The following MAP4 variants were observed in gnomAD, a reference collection of about 807,000 sequenced individuals.
The protein encoded by MAP4 is microtubule-associated protein 4.
MAP4 carries 76 observed loss-of-function variants against 170.2 expected under a neutral mutation model. The observed-to-expected ratio is 0.45, with a 90% CI of 0.37 to 0.54. The LOEUF (loss-of-function observed/expected upper bound fraction) is 0.54, where lower values mean the gene tolerates loss of function less well. Among genes scored for constraint, MAP4 ranks in the 20% least tolerant of loss-of-function variants. MAP4 has a pLI of 0.00. For synonymous variants in MAP4, 909 were observed against 994.5 expected, an observed-to-expected ratio of 0.91 and a Z score of 1.62; for missense variants, 2,506 against 2,748.0, an observed-to-expected ratio of 0.91 and a Z score of 1.97.
chr3:47,912,417 G>A lies in MAP4; in HGVS notation c.2004C>T (p.Asn668=), dbSNP rs990173120. 4.8e-6 allele frequency: 7 copies of A among 1,468,450 alleles called. No individual in the cohort carries two copies. The East Asian group carries it at 1.5e-4, about 31-fold the overall frequency. The allele number at this position is 1,468,450 out of a possible 1,614,324, so 91.0% of individuals were successfully genotyped here. Reference sequence around the variant, plus strand: ...TGGGAGGGGTACCGCAATACATGAAGTTGGCTAAAATTCCAAACAAAAAAC... The same window carrying A: ...TGGGAGGGGTACCGCAATACATGAAATTGGCTAAAATTCCAAACAAAAAAC... ...PSELSSETSA[N]FMYCGTPPTQ... The change falls in exon 9 of 21, where the codon AAC becomes AAT. Residue 668 remains asparagine (N), a synonymous_variant. Coordinates refer to ENST00000683076, the MANE Select transcript of MAP4 (RefSeq NM_001385682.1).
At position 47,995,232 on chromosome 3, in the gene MAP4, A is replaced by G. The variant is rs367630895; in HGVS notation, c.223+3406T>C. On this transcript the variant is annotated intron_variant, in intron 2 of 20. Transcript: ENST00000683076. ...TCAAGATACTTTTGTAAGCAATGATAGCAACTTTTTTTCTTTTCTTTTTTT... is the reference window on the plus strand; with the variant it reads ...TCAAGATACTTTTGTAAGCAATGATGGCAACTTTTTTTCTTTTCTTTTTTT... Among the ~76,000 whole-genome samples the G allele has an allele frequency of 4.0e-5, 6 of 149,704 alleles. 1 individual carries two copies. Among genetic ancestry groups the G allele is most frequent in the African/African-American group, 1.5e-4 (6 of 40,852 alleles).
Position 47,870,910 on chromosome 3 carries a change from C to T in MAP4, c.6197G>A (p.Ser2066Asn). The change falls in exon 15 of 21, where the codon AGC becomes AAC. Residue 2066 changes from serine (S) to asparagine (N), a missense_variant. By Grantham distance (46) the Ser-to-Asn change is conservative. Coordinates refer to ENST00000683076, the MANE Select transcript of MAP4 (RefSeq NM_001385682.1). ...AKPSSTTPRLSRLATNTSAPD... is the reference protein window; with the variant it reads ...AKPSSTTPRLNRLATNTSAPD... ...AGCAGAAGTATTGGTGGCCAGGCGG[C>T]TGAGCCGGGGGGTGGTGGAGCTGGG... 6.2e-7 allele frequency: 1 copy of T among 1,613,862 alleles called. No individual in the cohort carries two copies. The highest frequency in any genetic ancestry group is 1.1e-5 in the South Asian group (1 of 91,020).
chr3:47,945,556 T>C (rs940447564), intron 3 of MAP4, among the ~76,000 whole-genome samples: 3 of 151,926 alleles, frequency 2.0e-5, no homozygotes, highest in Non-Finnish European at 4.4e-5. Flanking sequence ...TGATTGTAAT[T>C]TGGAGGGGAA....
intron 1 of MAP4, among the ~76,000 whole-genome samples, chr3:48,026,412 G>C (rs1349041861): frequency 6.6e-6 from 1 of 152,132 alleles, no homozygotes; most frequent in African/African-American, 2.4e-5. Context: ...TTGGCCTTCA[G>C]GACAGAGAGG....
At position 47,855,298 on chromosome 3, in the gene MAP4, C is replaced by G. The variant is rs148356137; in HGVS notation, c.6646G>C (p.Val2216Leu). 3 of 1,614,030 alleles carry G rather than the reference C, an allele frequency of 1.9e-6. No homozygotes were observed. In the African/African-American group the frequency reaches 4.0e-5, roughly 22 times the overall value. Reference sequence around the variant, plus strand: ...TGGCCCACATTATCGAGGGATCCCACCTTGGCCTGGGCCTTCTCCTTGAAG... The same window carrying G: ...TGGCCCACATTATCGAGGGATCCCAGCTTGGCCTGGGCCTTCTCCTTGAAG... ...LNFKEKAQAK[V>L]GSLDNVGHLP... Residue 2216 changes from valine to leucine, a missense_variant, in exon 19 of 21, where the codon GTG becomes CTG. Physicochemically the swap from Val to Leu is conservative, Grantham distance 32. Coordinates refer to ENST00000683076, the MANE Select transcript of MAP4 (RefSeq NM_001385682.1). The surrounding 1 kb of genome is among the most constrained non-coding windows in gnomAD (Gnocchi z 5.1).
chr3:47,890,784 C>A (rs319684), intron 10 of MAP4, among the ~76,000 whole-genome samples: 3 of 151,950 alleles, frequency 2.0e-5, no homozygotes, highest in Admixed American at 1.3e-4. Context: ...CAAACTTGCA[C>A]ACTCAATTCA....
chr3:48,074,926 C>A (rs902584374), intron 1 of MAP4, among the ~76,000 whole-genome samples: 2 of 152,024 alleles, frequency 1.3e-5, no homozygotes, highest in Non-Finnish European at 2.9e-5. Flanking sequence ...AAGATGGCAG[C>A]ACTCTCTAAA....
intron 3 of MAP4, among the ~76,000 whole-genome samples, chr3:47,952,275 C>A (rs1225562081): frequency 1.7e-4 from 25 of 151,506 alleles, no homozygotes; most frequent in Non-Finnish European, 2.8e-4. Flanking sequence ...GTCAGCCCCC[C>A]CGCCCGGCCA....
At chr3:48,024,203 G>C (rs529058564) in intron 1 of MAP4, among the ~76,000 whole-genome samples, 1 of 152,004 alleles carries the variant, frequency 6.6e-6, no homozygotes, top group Admixed American at 6.6e-5. Flanking sequence ...CCAGCTACTC[G>C]GGAGGCTGAG....
intron 1 of MAP4, among the ~76,000 whole-genome samples, chr3:48,007,893 G>T (rs945534551): frequency 6.6e-6 from 1 of 151,914 alleles, no homozygotes; most frequent in Non-Finnish European, 1.5e-5. Flanking sequence ...GGATGGTCTC[G>T]ATCTCTTGAC....
At chr3:48,061,929 C>T (rs1403710361) in intron 1 of MAP4, among the ~76,000 whole-genome samples, 6 of 150,844 alleles carry the variant, frequency 4.0e-5, no homozygotes, top group African/African-American at 7.3e-5. Flanking sequence ...GTGGGGGGCA[C>T]CTCTGCCCAG....
chr3:47,978,314 T>TTTA (rs374785098), intron 2 of MAP4, among the ~76,000 whole-genome samples: 11 of 152,054 alleles, frequency 7.2e-5, no homozygotes, highest in South Asian at 2.1e-4. Context: ...GGGCATTTGT[T>TTTA]TTATTATTAT....
chr3:48,004,642 A>G (rs1165252644), intron 1 of MAP4, among the ~76,000 whole-genome samples: 1 of 152,218 alleles, frequency 6.6e-6, no homozygotes, highest in Non-Finnish European at 1.5e-5. Context: ...CTGCAACAAA[A>G]GATGCATGCA....
At chr3:47,885,798 G>A (rs913780012) in intron 10 of MAP4, among the ~76,000 whole-genome samples, 2 of 149,436 alleles carry the variant, frequency 1.3e-5, no homozygotes, top group Non-Finnish European at 3.0e-5. Flanking sequence ...GCGCCATCTC[G>A]GCTCACTGCA....
Position 47,851,256 on chromosome 3 carries a change from GT to G in MAP4, c.*1677del, listed in dbSNP as rs1433309830. 9.8e-5 allele frequency: 15 copies of G among 152,438 alleles called. No individual in the cohort carries two copies. The highest frequency in any genetic ancestry group is 3.6e-4 in the African/African-American group (15 of 41,586). 9.4% of individuals were successfully genotyped at this position (152,438 alleles called of 1,614,324 possible). On this transcript the variant is annotated 3_prime_UTR_variant, in exon 21 of 21. Transcript: ENST00000683076. Reference sequence around the variant, plus strand: ...AGCACTTCCTCCGTGAGCCCCTGCAGTTTCCTGGTGTGTGCTTGGGGAGCTA... The same window carrying G: ...AGCACTTCCTCCGTGAGCCCCTGCAGTTCCTGGTGTGTGCTTGGGGAGCTA...
intron 8 of MAP4, among the ~76,000 whole-genome samples, chr3:47,913,855 AGTTGATAATCAT>A (rs1052584478): frequency 1.3e-5 from 2 of 151,994 alleles, no homozygotes; most frequent in Admixed American, 6.5e-5. Flanking sequence ...CAGAAAATCA[AGTTGATAATCAT>A]ATACATATGC....
At chr3:48,069,428 A>C (rs1321912762) in intron 1 of MAP4, among the ~76,000 whole-genome samples, 1 of 152,106 alleles carries the variant, frequency 6.6e-6, no homozygotes, top group Non-Finnish European at 1.5e-5. Context: ...TACAGATGAA[A>C]CCTGAACCTT....
chr3:47,879,718 G>A (rs1559875089), intron 10 of MAP4, among the ~76,000 whole-genome samples: 1 of 152,126 alleles, frequency 6.6e-6, no homozygotes, highest in Non-Finnish European at 1.5e-5. Context: ...TGGGATTACA[G>A]ATTACCTGGC....
chr3:48,028,885 G>A (rs537242499), intron 1 of MAP4, among the ~76,000 whole-genome samples: 1 of 152,192 alleles, frequency 6.6e-6, no homozygotes, highest in African/African-American at 2.4e-5. Context: ...GCAAAGGTCT[G>A]TAATCCCAGC....
Sources: allele counts gnomAD v4.1 joint callset (sites outside exome capture counted in the v4.1 genomes callset), GRCh38; gene constraint gnomAD v4.1.1; non-coding constraint Gnocchi (gnomAD v3.1); transcripts MANE v1.5; gene names NCBI Gene and HGNC (gene_info 2026-07-23, HGNC 2026-07-21).